SHISA6: variants seen among roughly 807,000 people sequenced by gnomAD.
SHISA6 encodes the protein protein shisa-6.
A neutral mutation model predicts 47.9 loss-of-function variants in SHISA6; 22 were observed. The observed-to-expected ratio is 0.46, with a 90% CI of 0.33 to 0.66. The LOEUF (loss-of-function observed/expected upper bound fraction) is 0.66. SHISA6 is among the 30% of genes least tolerant of loss of function. The pLI, the probability that SHISA6 is intolerant of heterozygous loss-of-function variation, is 0.02. For missense variants in SHISA6, 680 were observed against 764.6 expected (o/e 0.89, Z 1.30); for synonymous variants, 388 against 337.8 (o/e 1.15, Z -1.63).
intron 3 of SHISA6, among the ~76,000 whole-genome samples, chr17:11,460,387 T>C (rs1377257377): frequency 6.6e-6 from 1 of 151,446 alleles, no homozygotes; most frequent in Non-Finnish European, 1.5e-5. Context: ...AAGTGATGAG[T>C]TTGTTTGTTT....
chr17:11,248,753 C>T (rs371696641), intron 1 of SHISA6, among the ~76,000 whole-genome samples: 2 of 152,080 alleles, frequency 1.3e-5, no homozygotes, highest in African/African-American at 4.8e-5. Context: ...CTGAGTAATG[C>T]GGACTATTGA....
At position 11,487,905 on chromosome 17, in the gene SHISA6, T is replaced by G. The variant is rs537338353; in HGVS notation, c.896-63991T>G. 2.0e-5 allele frequency among the ~76,000 whole-genome samples: 3 copies of G among 152,250 alleles called. No individual in the cohort carries two copies. The South Asian group carries it at 6.2e-4, about 32-fold the overall frequency. On this transcript the variant is annotated intron_variant, in intron 3 of 5. Transcript: ENST00000441885. ...CCGTAAAGTGCCTCTCAGTGAAGAT[T>G]ATTAGGAGCCTGGCCAAATGTTTGC...
intron 2 of SHISA6, among the ~76,000 whole-genome samples, chr17:11,282,053 A>G (rs1325449732): frequency 1.3e-5 from 2 of 152,214 alleles, no homozygotes; most frequent in Non-Finnish European, 2.9e-5. Flanking sequence ...AAAGGGATCT[A>G]TGATACATTT....
intron 3 of SHISA6, among the ~76,000 whole-genome samples, chr17:11,383,758 T>G (rs898758852): frequency 6.6e-6 from 1 of 152,216 alleles, no homozygotes; most frequent in African/African-American, 2.4e-5. Flanking sequence ...GTTCCTTTCT[T>G]TGACCTCCTG....
chr17:11,513,487 C>G (rs1041264531), intron 3 of SHISA6, among the ~76,000 whole-genome samples: 3 of 152,262 alleles, frequency 2.0e-5, no homozygotes, highest in Admixed American at 1.3e-4. Flanking sequence ...TTTAAATGAG[C>G]AGTTGCTTTT....
chr17:11,384,067 A>G (rs1264615945), intron 3 of SHISA6, among the ~76,000 whole-genome samples: 1 of 152,208 alleles, frequency 6.6e-6, no homozygotes, highest in Admixed American at 6.5e-5. Context: ...TCCCCTTTAC[A>G]ACCACCCTGT....
intron 2 of SHISA6, chr17:11,290,688 C>G (rs1555526093): frequency 6.6e-6 from 1 of 151,866 alleles, no homozygotes; most frequent in African/African-American, 2.4e-5. Context: ...TTTTTGTTCT[C>G]TTGATTAAAG....
chr17:11,362,177 T>C (rs1268635752), intron 2 of SHISA6, among the ~76,000 whole-genome samples: 1 of 152,168 alleles, frequency 6.6e-6, no homozygotes, highest in Non-Finnish European at 1.5e-5. Flanking sequence ...TCTCACTCTG[T>C]CACCCAGGCT....
chr17:11,529,059 G>C (rs997491392), intron 3 of SHISA6, among the ~76,000 whole-genome samples: 2 of 151,874 alleles, frequency 1.3e-5, no homozygotes, highest in Non-Finnish European at 2.9e-5. Flanking sequence ...CGGACATGGT[G>C]GTGGGCGCCT....
At chr17:11,504,799 T>G (rs57001369) in intron 3 of SHISA6, among the ~76,000 whole-genome samples, 4,270 of 152,202 alleles carry the variant, frequency 0.028, 195 homozygotes, top group African/African-American at 0.096. Flanking sequence ...GAGCTGGAGA[T>G]GTTAGGACTG....
intron 3 of SHISA6, among the ~76,000 whole-genome samples, chr17:11,393,335 C>A (rs774442460): frequency 3.9e-5 from 6 of 152,140 alleles, no homozygotes; most frequent in Non-Finnish European, 7.4e-5. Flanking sequence ...AACTTACACA[C>A]CATTTGCCCC....
intron 3 of SHISA6, among the ~76,000 whole-genome samples, chr17:11,509,621 C>T (rs1330158309): frequency 6.6e-6 from 1 of 152,188 alleles, no homozygotes; most frequent in Non-Finnish European, 1.5e-5. Flanking sequence ...TCCAAAACTC[C>T]TGCCCTAACT....
intron 2 of SHISA6, among the ~76,000 whole-genome samples, chr17:11,359,295 C>T (rs770550355): frequency 6.6e-6 from 1 of 152,150 alleles, no homozygotes; most frequent in Non-Finnish European, 1.5e-5. Flanking sequence ...AAGGCTATAA[C>T]TAAACCATAT....
chr17:11,318,213 C>T (rs1056272394), intron 2 of SHISA6, among the ~76,000 whole-genome samples: 5 of 152,150 alleles, frequency 3.3e-5, no homozygotes, highest in African/African-American at 1.2e-4. Flanking sequence ...TTGAAATCAT[C>T]GTTCCATTGT....
At position 11,561,501 on chromosome 17, in the gene SHISA6, C is replaced by G. The variant is rs551696262; in HGVS notation, c.*3197C>G. ...TGCCAAGAATTACTTCACCTCCTAA[C>G]CAGGCTTCTGCCCTCAGGGCTCCCC... On this transcript the variant is annotated 3_prime_UTR_variant, in exon 6 of 6. Transcript: ENST00000441885. The G allele has an allele frequency of 6.6e-6, 1 of 152,552 alleles. No homozygotes were observed. The allele number at this position is 152,552 out of a possible 1,614,324, so 9.4% of individuals were successfully genotyped here. A position where few individuals can be genotyped will look rare whatever the true frequency, so the allele number is the denominator to read the frequency against.
At chr17:11,403,728 T>C (rs909513745) in intron 3 of SHISA6, among the ~76,000 whole-genome samples, 1 of 152,234 alleles carries the variant, frequency 6.6e-6, no homozygotes, top group Non-Finnish European at 1.5e-5. Context: ...CGTGGTTGAC[T>C]ACCCCTGTAG....
chr17:11,558,475 A>G lies in SHISA6; in HGVS notation c.*171A>G, dbSNP rs1319939156. ...CCATACCCCCGGGGACACAGCCCCGATGGCCTGGTCCAATACACTTAGACC... is the reference window on the plus strand; with the variant it reads ...CCATACCCCCGGGGACACAGCCCCGGTGGCCTGGTCCAATACACTTAGACC... On this transcript the variant is annotated 3_prime_UTR_variant, in exon 6 of 6. Coordinates refer to ENST00000441885, the MANE Select transcript of SHISA6 (RefSeq NM_207386.4). 1.4e-6 allele frequency: 1 copy of G among 693,052 alleles called. No homozygotes were observed. The highest frequency in any genetic ancestry group is 2.4e-6 in the Non-Finnish European group (1 of 420,538). 42.9% of individuals were successfully genotyped at this position (693,052 alleles called of 1,614,324 possible).
intron 2 of SHISA6, among the ~76,000 whole-genome samples, chr17:11,329,756 T>C (rs1911031684): frequency 6.6e-6 from 1 of 152,102 alleles, no homozygotes; most frequent in Admixed American, 6.6e-5. Flanking sequence ...GAACCAGTTG[T>C]CCTGGTCTGA....
chr17:11,311,348 T>G (rs1203677573), intron 2 of SHISA6, among the ~76,000 whole-genome samples: 1 of 150,840 alleles, frequency 6.6e-6, no homozygotes, highest in Non-Finnish European at 1.5e-5. Context: ...GACAGGAAAC[T>G]AAGTATTTTC....
Sources: gnomAD v4.1 joint callset for allele counts (sites outside exome capture counted in the v4.1 genomes callset) on GRCh38, gnomAD v4.1.1 for gene constraint, MANE v1.5 for transcripts, NCBI Gene and HGNC (gene_info 2026-07-23, HGNC 2026-07-21) for gene names.